Variants in HK1 observed in about 807,000 individuals in gnomAD.
The protein encoded by HK1 is hexokinase-1.
HK1 carries 28 observed loss-of-function variants against 91.6 expected under a neutral mutation model. The ratio of observed to expected loss-of-function variants is 0.31; its 90% confidence interval spans 0.23 to 0.42. The LOEUF (loss-of-function observed/expected upper bound fraction) is 0.42, where lower values mean the gene tolerates loss of function less well. Ranked by LOEUF, HK1 falls within the 10% of genes least tolerant of loss-of-function variation. HK1 has a pLI of 1.00. For synonymous variants in HK1, 430 were observed against 468.1 expected (o/e 0.92, Z 1.05); for missense variants, 770 against 1,219.8 (o/e 0.63, Z 5.49).
chr10:69,295,998 C>A (rs959823329), intron 4 of HK1, among the ~76,000 whole-genome samples: 1 of 152,136 alleles, frequency 6.6e-6, no homozygotes, highest in South Asian at 2.1e-4. Context: ...TTGTGAGAGA[C>A]CCTGGGAGGG....
At chr10:69,388,716 C>A (rs1190634032) in intron 13 of HK1, among the ~76,000 whole-genome samples, 2 of 152,198 alleles carry the variant, frequency 1.3e-5, no homozygotes, top group Non-Finnish European at 2.9e-5. Flanking sequence ...TTTTACATAG[C>A]CCATTTGATC....
At chr10:69,340,749 G>A (rs1848246194) in intron 1 of HK1, among the ~76,000 whole-genome samples, 1 of 152,034 alleles carries the variant, frequency 6.6e-6, no homozygotes. Context: ...CCACGCAGCA[G>A]ACACACAACT....
chr10:69,386,932 TA>T (rs1286251949), intron 13 of HK1: 1 of 152,288 alleles, frequency 6.6e-6, no homozygotes, highest in East Asian at 1.9e-4. Context: ...AGATTATTAT[TA>T]TTTTTTTTTT....
intron 3 of HK1, among the ~76,000 whole-genome samples, chr10:69,291,787 T>C (rs142664827): frequency 1.7e-3 from 254 of 152,338 alleles, no homozygotes; most frequent in Admixed American, 3.7e-3. Context: ...AAAAATTGCA[T>C]GGTCCATTTG....
chr10:69,325,293 C>T (rs561033045), intron 1 of HK1, among the ~76,000 whole-genome samples: 111 of 151,626 alleles, frequency 7.3e-4, no homozygotes, highest in South Asian at 2.1e-3. Context: ...TCTTGTGATC[C>T]GCCTGCCTCG....
intron 12 of HK1, among the ~76,000 whole-genome samples, chr10:69,385,461 C>T (rs1207449446): frequency 6.6e-5 from 10 of 152,190 alleles, no homozygotes; most frequent in African/African-American, 1.7e-4. Flanking sequence ...GTGGGGGAGC[C>T]GAGTCCCTAA....
chr10:69,345,491 G>A (rs1848502414), intron 2 of HK1, among the ~76,000 whole-genome samples: 1 of 152,256 alleles, frequency 6.6e-6, no homozygotes, highest in African/African-American at 2.4e-5. Context: ...AGGATGAGGA[G>A]AGCTATGTAG....
chr10:69,272,766 GTTCTTTTTTT>G (rs1844232800), intron 1 of HK1, among the ~76,000 whole-genome samples: 1 of 150,332 alleles, frequency 6.7e-6, no homozygotes, highest in Non-Finnish European at 1.5e-5. Context: ...TAGTGCATGT[GTTCTTTTTTT>G]TTCTTTTTTT....
intron 14 of HK1, among the ~76,000 whole-genome samples, chr10:69,389,962 C>G (rs74138371): frequency 0.056 from 8,479 of 152,162 alleles, 749 homozygotes; most frequent in African/African-American, 0.19. Context: ...GGCCCTGCTC[C>G]TCGCGTCAGG....
intron 1 of HK1, among the ~76,000 whole-genome samples, chr10:69,320,482 A>C (rs145902357): frequency 2.6e-5 from 4 of 152,210 alleles, no homozygotes; most frequent in Non-Finnish European, 4.4e-5. Context: ...CCCTCTGGCC[A>C]CTGACCTGGG....
intron 12 of HK1, 61 bp downstream of exon 12, chr10:69,384,976 G>C: frequency 1.3e-6 from 2 of 1,598,808 alleles, no homozygotes; most frequent in Non-Finnish European, 1.7e-6. Flanking sequence ...TGGCCTGGGT[G>C]GGCTGGCCCT....
chr10:69,341,324 G>T (rs963709207), intron 1 of HK1, among the ~76,000 whole-genome samples: 2 of 151,754 alleles, frequency 1.3e-5, no homozygotes, highest in South Asian at 4.2e-4. Context: ...ACCACGCCTG[G>T]CTAATTTTTG....
intron 12 of HK1, 117 bp from the exon 13 acceptor site, chr10:69,386,206 C>T (rs541105910): frequency 1.4e-4 from 111 of 771,282 alleles, no homozygotes; most frequent in African/African-American, 1.4e-3. Context: ...GTTTGAACTC[C>T]GTCTCCGATG....
At chr10:69,344,766 C>T (rs188460353) in intron 2 of HK1, among the ~76,000 whole-genome samples, 6 of 152,286 alleles carry the variant, frequency 3.9e-5, no homozygotes, top group Admixed American at 3.9e-4. Flanking sequence ...CCCGGCAGAC[C>T]CGCAGTTACT....
chr10:69,398,460 C>G, intron 16 of HK1, 135 bp from the exon 17 acceptor site: 1 of 729,284 alleles, frequency 1.4e-6, no homozygotes, highest in Admixed American at 2.0e-5. Flanking sequence ...CACAGTTTAA[C>G]ATGTAACACT....
At chr10:69,308,271 A>C (rs1222610963) in intron 5 of HK1, among the ~76,000 whole-genome samples, 1 of 152,096 alleles carries the variant, frequency 6.6e-6, no homozygotes, top group Non-Finnish European at 1.5e-5. Context: ...TCCACCTCAG[A>C]TCATTATGCA....
At chr10:69,337,164 T>C (rs534453455) in intron 1 of HK1, among the ~76,000 whole-genome samples, 55 of 152,288 alleles carry the variant, frequency 3.6e-4, no homozygotes, top group Non-Finnish European at 6.9e-4. Flanking sequence ...AGCTAATAAA[T>C]CGGATTTGAA....
intron 1 of HK1, among the ~76,000 whole-genome samples, chr10:69,280,899 C>G (rs1293852145): frequency 6.6e-6 from 1 of 152,210 alleles, no homozygotes; most frequent in Non-Finnish European, 1.5e-5. Context: ...CTTTTACCTT[C>G]TGGAGTTTCA....
At chr10:69,325,044 ATT>A (rs1046990181) in intron 1 of HK1, among the ~76,000 whole-genome samples, 79 of 93,882 alleles carry the variant, frequency 8.4e-4, no homozygotes, top group East Asian at 8.4e-3. Context: ...AAAAATGTGT[ATT>A]TTTTTTTTTT....
Sources: gnomAD v4.1 joint callset for allele counts (sites outside exome capture counted in the v4.1 genomes callset) on GRCh38, gnomAD v4.1.1 for gene constraint, MANE v1.5 for transcripts, NCBI Gene and HGNC (gene_info 2026-07-23, HGNC 2026-07-21) for gene names.